Variants in PPFIBP2 observed in about 807,000 individuals in gnomAD.
The protein encoded by PPFIBP2 is PPFIB scaffold protein 2, also known as liprin-beta-2.
A neutral mutation model predicts 118.3 loss-of-function variants in PPFIBP2; 118 were observed. The ratio of observed to expected loss-of-function variants is 1.00; its 90% CI spans 0.86 to 1.16. PPFIBP2 has a LOEUF of 1.16. PPFIBP2 is among the 50% of genes most tolerant of loss of function. PPFIBP2 has a pLI of 0.00. For missense variants in PPFIBP2, 1,195 were observed against 1,073.1 expected (o/e 1.11, Z -1.59); for synonymous variants, 414 against 397.4 (o/e 1.04, Z -0.50).
At chr11:7,586,339 T>C (rs1372457587) in intron 3 of PPFIBP2, among the ~76,000 whole-genome samples, 3 of 152,254 alleles carry the variant, frequency 2.0e-5, no homozygotes. Flanking sequence ...TTCTAACTCA[T>C]GCTTCTAACT....
chr11:7,631,538 AT>A (rs1467524565), intron 11 of PPFIBP2, among the ~76,000 whole-genome samples: 1 of 151,998 alleles, frequency 6.6e-6, no homozygotes, highest in East Asian at 1.9e-4. Flanking sequence ...CTTCTCATCT[AT>A]TTCGTTTGTT....
At chr11:7,540,184 G>T (rs1384045654) in intron 1 of PPFIBP2, among the ~76,000 whole-genome samples, 1 of 152,116 alleles carries the variant, frequency 6.6e-6, no homozygotes, top group African/African-American at 2.4e-5. Context: ...GTGAATGCTG[G>T]GAAGCCTTGG....
chr11:7,613,415 T>C (rs1165727056), intron 6 of PPFIBP2, among the ~76,000 whole-genome samples: 2 of 152,192 alleles, frequency 1.3e-5, no homozygotes, highest in Admixed American at 1.3e-4. Context: ...CGCAGGTTCC[T>C]TGATGGCCAG....
chr11:7,651,198 C>T (rs993545354), intron 22 of PPFIBP2: 1 of 450,636 alleles, frequency 2.2e-6, no homozygotes, highest in South Asian at 3.2e-5. Flanking sequence ...CTTGAGGATT[C>T]TAGGTCGATG....
At chr11:7,628,977 C>T (rs1850391956) in intron 9 of PPFIBP2, among the ~76,000 whole-genome samples, 1 of 152,152 alleles carries the variant, frequency 6.6e-6, no homozygotes, top group African/African-American at 2.4e-5. Context: ...TGTGTGGTCT[C>T]CCAAGTTCCT....
rs1352443034 is a variant in PPFIBP2 at position 7,514,635 on chromosome 11, CTT to C, written c.-37+518_-37+519del. On this transcript the variant is annotated intron_variant, in intron 1 of 23. Coordinates refer to ENST00000299492, the MANE Select transcript of PPFIBP2 (RefSeq NM_003621.5). ...AGTGTAAGTGCAAAAATACAGCACA[CTT>C]TTTAAAATCTAAAGCCGCCGCGTCC... Among the ~76,000 whole-genome samples the C allele has an allele frequency of 4.6e-5, 7 of 152,306 alleles. No individual in the cohort carries two copies. In the East Asian group the frequency reaches 1.2e-3, roughly 25 times the overall value.
intron 2 of PPFIBP2, among the ~76,000 whole-genome samples, chr11:7,554,973 T>C (rs896230451): frequency 6.6e-6 from 1 of 151,764 alleles, no homozygotes; most frequent in Non-Finnish European, 1.5e-5. Flanking sequence ...TTTGATCTAG[T>C]CTTCCTCCTG....
chr11:7,529,031 G>A (rs1850458146), intron 1 of PPFIBP2, among the ~76,000 whole-genome samples: 1 of 152,126 alleles, frequency 6.6e-6, no homozygotes. Flanking sequence ...TCAGCCTGGA[G>A]AGAAAAGTTG....
intron 5 of PPFIBP2, among the ~76,000 whole-genome samples, chr11:7,609,260 A>G (rs1456827007): frequency 6.6e-6 from 1 of 152,214 alleles, no homozygotes; most frequent in Non-Finnish European, 1.5e-5. Flanking sequence ...TGGGTTGCCC[A>G]AGATGATACA....
Position 7,547,296 on chromosome 11 carries a change from G to A in PPFIBP2, c.-36-2144G>A, listed in dbSNP as rs944622079. ...GGGATGGCAGGCGTATTGCAGAGGA[G>A]GGAAGGTCTTGGAGGGCTCGGGAGC... On this transcript the variant is annotated intron_variant, in intron 1 of 23. Transcript: ENST00000299492. Among the ~76,000 whole-genome samples, 3 of 152,142 alleles carry A rather than the reference G, an allele frequency of 2.0e-5. No homozygotes were observed. The East Asian group carries it at 5.8e-4, about 29-fold the overall frequency.
chr11:7,564,356 C>G (rs1234281710), intron 2 of PPFIBP2, among the ~76,000 whole-genome samples: 1 of 152,114 alleles, frequency 6.6e-6, no homozygotes, highest in Non-Finnish European at 1.5e-5. Flanking sequence ...GCTGGGAACT[C>G]AGTTAAATGT....
intron 5 of PPFIBP2, among the ~76,000 whole-genome samples, chr11:7,607,294 A>G (rs149360377): frequency 0.015 from 2,199 of 144,828 alleles, 58 homozygotes; most frequent in African/African-American, 0.053. Context: ...TGCAGCCTCA[A>G]CCTCCCAGGT....
chr11:7,646,747 C>A (rs535020370), intron 17 of PPFIBP2, among the ~76,000 whole-genome samples: 24 of 152,232 alleles, frequency 1.6e-4, no homozygotes. Flanking sequence ...ATTACTAACA[C>A]CCTGTCTCTA....
In PPFIBP2 at chr11:7,620,849, C is replaced by G. The variant is rs879013095; in HGVS notation, c.619-86C>G. 3.3e-6 allele frequency: 3 copies of G among 900,482 alleles called. No homozygotes were observed. The African/African-American group carries it at 4.9e-5, about 15-fold the overall frequency. The allele number at this position is 900,482 out of a possible 1,614,324, so 55.8% of individuals were successfully genotyped here. ...GTGGAGCTTGATGTGGTTGCTGCAC[C>G]CCATATGCATGAGCTTAACCAGGTT... On this transcript the variant is annotated intron_variant, in intron 6 of 23. Coordinates refer to ENST00000299492, the MANE Select transcript of PPFIBP2 (RefSeq NM_003621.5).
At chr11:7,633,785 C>G (rs913526937) in intron 12 of PPFIBP2, among the ~76,000 whole-genome samples, 8 of 152,184 alleles carry the variant, frequency 5.3e-5, no homozygotes, top group South Asian at 2.1e-4. Flanking sequence ...AGGGAAAGGT[C>G]AACACCAAGG....
chr11:7,647,878 C>T (rs537347939), intron 17 of PPFIBP2, among the ~76,000 whole-genome samples: 26 of 152,150 alleles, frequency 1.7e-4, no homozygotes, highest in African/African-American at 6.0e-4. Flanking sequence ...GTGAATGTTC[C>T]TCCTGTTTTG....
chr11:7,618,262 C>T (rs1277293335), intron 6 of PPFIBP2, among the ~76,000 whole-genome samples: 1 of 152,040 alleles, frequency 6.6e-6, no homozygotes, highest in East Asian at 1.9e-4. Context: ...AGGGTGTTGG[C>T]GCATGACCTA....
intron 2 of PPFIBP2, among the ~76,000 whole-genome samples, chr11:7,558,061 G>A (rs1050403745): frequency 2.0e-5 from 3 of 152,168 alleles, no homozygotes; most frequent in Non-Finnish European, 2.9e-5. Flanking sequence ...TATTTTGCAT[G>A]AATGAAGATA....
chr11:7,663,905 G>A, the PPFIBP2 span, among the ~76,000 whole-genome samples: 6 of 152,158 alleles, frequency 3.9e-5, no homozygotes, highest in South Asian at 6.2e-4. Flanking sequence ...GGAGTGACCC[G>A]ATTTTCCAGG....
Sources: gnomAD v4.1 joint callset for allele counts (sites outside exome capture counted in the v4.1 genomes callset) on GRCh38, gnomAD v4.1.1 for gene constraint, MANE v1.5 for transcripts, NCBI Gene and HGNC (gene_info 2026-07-23, HGNC 2026-07-21) for gene names.